The following MICAL2 variants were observed in gnomAD, a reference collection of about 807,000 sequenced individuals.
MICAL2 encodes [F-actin]-monooxygenase MICAL2.
MICAL2 carries 77 observed loss-of-function variants against 127.3 expected under a neutral mutation model. That is an observed-to-expected ratio of 0.60 (90% CI 0.50 to 0.73). The LOEUF (loss-of-function observed/expected upper bound fraction) is 0.73. Ranked by LOEUF, MICAL2 falls within the 30% of genes least tolerant of loss-of-function variation. The pLI is 0.00. For synonymous variants in MICAL2, 570 were observed against 551.1 expected, an observed-to-expected ratio of 1.03 and a Z score of -0.48; for missense variants, 1,351 against 1,434.4, an observed-to-expected ratio of 0.94 and a Z score of 0.94.
At chr11:12,206,970 A>G (rs1317767465) in intron 4 of MICAL2, among the ~76,000 whole-genome samples, 1 of 152,084 alleles carries the variant, frequency 6.6e-6, no homozygotes, top group Non-Finnish European at 1.5e-5. Context: ...TCTAGAAAGA[A>G]GGGCGTAGAC....
intron 32 of MICAL2, among the ~76,000 whole-genome samples, chr11:12,334,024 A>C (rs1938699196): frequency 6.6e-6 from 1 of 152,324 alleles, no homozygotes; most frequent in East Asian, 1.9e-4. Flanking sequence ...AATCAATTCC[A>C]TAAAGATTAA....
At chr11:12,185,999 A>T (rs1858204338) in intron 3 of MICAL2, among the ~76,000 whole-genome samples, 1 of 152,256 alleles carries the variant, frequency 6.6e-6, no homozygotes, top group African/African-American at 2.4e-5. Context: ...TTGGCCCAGT[A>T]GCTCTGATGG....
At chr11:12,247,101 A>T (rs1860861428) in intron 21 of MICAL2, among the ~76,000 whole-genome samples, 2 of 152,272 alleles carry the variant, frequency 1.3e-5, no homozygotes, top group South Asian at 4.2e-4. Context: ...AGGCTCAGGG[A>T]GGAGACTGGA....
At chr11:12,323,633 T>A (rs1864324787) in intron 30 of MICAL2, among the ~76,000 whole-genome samples, 1 of 152,174 alleles carries the variant, frequency 6.6e-6, no homozygotes, top group African/African-American at 2.4e-5. Flanking sequence ...TCCCTCCCAA[T>A]ACACACATAG....
At chr11:12,186,629 C>T (rs1301627012) in intron 3 of MICAL2, among the ~76,000 whole-genome samples, 1 of 152,164 alleles carries the variant, frequency 6.6e-6, no homozygotes, top group Non-Finnish European at 1.5e-5. Flanking sequence ...AGTCTCTGGG[C>T]CTCAGTTTAC....
At chr11:12,320,555 A>T (rs1022803638) in intron 30 of MICAL2, among the ~76,000 whole-genome samples, 1 of 152,150 alleles carries the variant, frequency 6.6e-6, no homozygotes, top group African/African-American at 2.4e-5. Flanking sequence ...GGCAGGGGTT[A>T]TTGAATGGTT....
At chr11:12,193,442 C>G (rs905231389) in intron 3 of MICAL2, among the ~76,000 whole-genome samples, 7 of 152,256 alleles carry the variant, frequency 4.6e-5, no homozygotes, top group Admixed American at 2.6e-4. Flanking sequence ...CAGGCCTCAT[C>G]ATGGCCCTTC....
intron 3 of MICAL2, among the ~76,000 whole-genome samples, chr11:12,179,544 C>G (rs1857200889): frequency 6.6e-6 from 1 of 152,200 alleles, no homozygotes; most frequent in African/African-American, 2.4e-5. Context: ...TCCACCTTCC[C>G]ATCCTTAGCC....
chr11:12,242,058 G>T, intron 18 of MICAL2, 156 bp from the exon 19 acceptor site: 2 of 598,766 alleles, frequency 3.3e-6, no homozygotes, highest in Non-Finnish European at 2.9e-6. Flanking sequence ...TTTGATGCAG[G>T]TGGTGGAGAG....
intron 31 of MICAL2, among the ~76,000 whole-genome samples, chr11:12,325,581 C>T (rs554481374): frequency 9.2e-5 from 14 of 152,264 alleles, no homozygotes; most frequent in African/African-American, 1.9e-4. Context: ...GCCTCTCTTC[C>T]GGGCTTATAG....
chr11:12,244,549 T>G (rs1426806488), intron 21 of MICAL2, among the ~76,000 whole-genome samples: 1 of 152,216 alleles, frequency 6.6e-6, no homozygotes, highest in African/African-American at 2.4e-5. Flanking sequence ...ATGATAAACT[T>G]AACGTAACAC....
intron 25 of MICAL2, 110 bp from the exon 26 acceptor site, chr11:12,259,685 G>C: frequency 4.1e-6 from 4 of 970,284 alleles, no homozygotes; most frequent in Non-Finnish European, 5.9e-6. Context: ...ATTATTGTGG[G>C]GGCTGGTTGC....
intron 3 of MICAL2, 33 bp from the exon 4 acceptor site, chr11:12,204,217 A>G: frequency 6.2e-7 from 1 of 1,602,288 alleles, no homozygotes; most frequent in Non-Finnish European, 8.5e-7. Flanking sequence ...GCTAGAGGTT[A>G]CCAAGAGTCT....
At chr11:12,248,526 T>C (rs1416263453) in intron 21 of MICAL2, among the ~76,000 whole-genome samples, 3 of 152,230 alleles carry the variant, frequency 2.0e-5, no homozygotes, top group African/African-American at 7.2e-5. Context: ...ACTGAGCGTT[T>C]GCACAGCTGG....
chr11:12,222,199 GTGGCTGTGACAGC>G (rs1374552386), intron 10 of MICAL2, among the ~76,000 whole-genome samples: 6 of 152,300 alleles, frequency 3.9e-5, no homozygotes, highest in Non-Finnish European at 5.9e-5. Flanking sequence ...TGCTGGCCAC[GTGGCTGTGACAGC>G]TGGTGGACGG....
intron 3 of MICAL2, among the ~76,000 whole-genome samples, chr11:12,191,257 G>A (rs932117867): frequency 6.6e-6 from 1 of 152,090 alleles, no homozygotes; most frequent in East Asian, 1.9e-4. Context: ...TTGAGGTCAG[G>A]AGTTCAAGAC....
chr11:12,137,443 G>A (rs924792142), intron 1 of MICAL2, among the ~76,000 whole-genome samples: 2 of 152,226 alleles, frequency 1.3e-5, no homozygotes, highest in Non-Finnish European at 2.9e-5. Context: ...CTGTCTGTGA[G>A]GAGCCACTGA....
At chr11:12,277,662 C>G (rs957470788) in intron 1 of MICAL2, among the ~76,000 whole-genome samples, 2 of 152,040 alleles carry the variant, frequency 1.3e-5, no homozygotes, top group Admixed American at 6.6e-5. Context: ...AGAGATTACA[C>G]CAGGAAGGAA....
chr11:12,116,742 G>A (rs925215576), intron 1 of MICAL2: 7 of 152,180 alleles, frequency 4.6e-5, no homozygotes, highest in African/African-American at 1.7e-4. Context: ...GGTCTGATTT[G>A]GAGATGCTTC....
Sources: allele counts gnomAD v4.1 joint callset (sites outside exome capture counted in the v4.1 genomes callset), GRCh38; gene constraint gnomAD v4.1.1; transcripts MANE v1.5; gene names NCBI Gene and HGNC (gene_info 2026-07-23, HGNC 2026-07-21).